Variants in CEP162 observed in about 807,000 individuals in gnomAD.
CEP162 encodes the protein centrosomal protein of 162 kDa.
Under a neutral mutation model 169.2 loss-of-function variants are expected in CEP162, and 141 were observed. The observed-to-expected ratio is 0.83, with a 90% CI of 0.73 to 0.96. The LOEUF (loss-of-function observed/expected upper bound fraction) is 0.96, where lower values mean the gene tolerates loss of function less well. Among genes scored for constraint, CEP162 ranks in the 40% least tolerant of loss-of-function variants. The pLI is 0.00. For missense variants in CEP162, 1,600 were observed against 1,587.2 expected (o/e 1.01, Z -0.14); for synonymous variants, 540 against 526.4 (o/e 1.03, Z -0.35).
Position 84,204,028 on chromosome 6 carries a change from G to T in CEP162, c.640C>A (p.Pro214Thr). 4 of 1,609,850 alleles carry T rather than the reference G, an allele frequency of 2.5e-6. No individual in the cohort carries two copies. The highest frequency in any genetic ancestry group is 3.4e-6 in the Non-Finnish European group (4 of 1,177,910). Reference protein sequence around the residue: ...APLTTKDEEMPSKENSKSEKI... With the variant: ...APLTTKDEEMTSKENSKSEKI... ...TCTGATTTGGAATTCTCTTTGGAAG[G>T]CATCTCTTCATCTTTAGTAGTCAAC... The change falls in exon 7 of 27, where the codon CCT becomes ACT. Residue 214 changes from proline to threonine, a missense_variant. Coordinates refer to ENST00000403245, the MANE Select transcript of CEP162 (RefSeq NM_014895.4).
At chr6:84,151,908 G>A (rs1047223066) in intron 23 of CEP162, among the ~76,000 whole-genome samples, 2 of 152,086 alleles carry the variant, frequency 1.3e-5, no homozygotes, top group Admixed American at 1.3e-4. Context: ...TATTTAAGAG[G>A]AAGTGAGATA....
At chr6:84,158,489 C>A (rs1370638085) in intron 21 of CEP162, among the ~76,000 whole-genome samples, 1 of 152,108 alleles carries the variant, frequency 6.6e-6, no homozygotes, top group Non-Finnish European at 1.5e-5. Flanking sequence ...AAATCCTGTT[C>A]ATATTAGGTA....
rs1422934859 is a variant in CEP162 at position 84,215,455 on chromosome 6, AACT to A, written c.327_329del (p.Val110del). ...CGAGACTACTATGGTTGAGCTCAGAAACTACTAGTTCTAAATGGAAAGCACAAA... is the reference window on the plus strand; with the variant it reads ...CGAGACTACTATGGTTGAGCTCAGAAACTAGTTCTAAATGGAAAGCACAAA... On this transcript the variant is annotated inframe_deletion, in exon 5 of 27. Coordinates refer to ENST00000403245, the MANE Select transcript of CEP162 (RefSeq NM_014895.4). 6.3e-7 allele frequency: 1 copy of A among 1,584,802 alleles called. No homozygotes were observed. Among genetic ancestry groups the A allele is most frequent in the Admixed American group, 1.8e-5 (1 of 54,704 alleles).
chr6:84,136,349 C>G (rs1303136948), intron 25 of CEP162, among the ~76,000 whole-genome samples: 1 of 152,106 alleles, frequency 6.6e-6, no homozygotes, highest in African/African-American at 2.4e-5. Context: ...CTGGGAAGGG[C>G]CTTTTGCTGC....
chr6:84,151,996 A>C (rs1273967685), intron 23 of CEP162, among the ~76,000 whole-genome samples: 1 of 152,182 alleles, frequency 6.6e-6, no homozygotes, highest in Non-Finnish European at 1.5e-5. Flanking sequence ...AGGTGAAAAA[A>C]AGATCTGAGG....
chr6:84,151,908 G>C (rs1047223066), intron 23 of CEP162, among the ~76,000 whole-genome samples: 1 of 152,086 alleles, frequency 6.6e-6, no homozygotes, highest in East Asian at 1.9e-4. Context: ...TATTTAAGAG[G>C]AAGTGAGATA....
rs575836189 is a variant in CEP162 at position 84,156,880 on chromosome 6, A to G, written c.2782-1370T>C. ...AATAACTCAGAAAGTAAAACTCCACATGTTCTCACTTGAAAGTGGGAGCTA... is the reference window on the plus strand; with the variant it reads ...AATAACTCAGAAAGTAAAACTCCACGTGTTCTCACTTGAAAGTGGGAGCTA... On this transcript the variant is annotated intron_variant, in intron 21 of 26. Transcript: ENST00000403245. Among the ~76,000 whole-genome samples the G allele has an allele frequency of 1.1e-4, 16 of 152,256 alleles. 1 individual carries two copies. The South Asian group carries it at 3.3e-3, about 32-fold the overall frequency.
intron 6 of CEP162, among the ~76,000 whole-genome samples, chr6:84,208,019 A>ATTTTTT (rs375738078): frequency 1.6e-4 from 21 of 132,896 alleles, no homozygotes; most frequent in African/African-American, 5.0e-4. Flanking sequence ...AGGTTGATTG[A>ATTTTTT]TTTTTTTTTT....
intron 25 of CEP162, among the ~76,000 whole-genome samples, chr6:84,137,432 G>T (rs566779157): frequency 3.9e-5 from 6 of 152,072 alleles, no homozygotes; most frequent in Non-Finnish European, 8.8e-5. Flanking sequence ...ACAAATTACA[G>T]TAAGAATTTT....
intron 23 of CEP162, among the ~76,000 whole-genome samples, chr6:84,150,438 C>T (rs896989017): frequency 1.3e-5 from 2 of 152,034 alleles, no homozygotes; most frequent in African/African-American, 4.8e-5. Flanking sequence ...TAATATGGTG[C>T]TTCCCAACTA....
chr6:84,133,180 T>C (rs1196276473), intron 25 of CEP162, among the ~76,000 whole-genome samples: 2 of 152,182 alleles, frequency 1.3e-5, no homozygotes, highest in African/African-American at 4.8e-5. Context: ...ACAGCAAATA[T>C]TGCAGAACAG....
At position 84,215,312 on chromosome 6, in the gene CEP162, T is replaced by C; in HGVS notation, c.473A>G (p.Asn158Ser). 7 of 1,593,404 alleles carry C rather than the reference T, an allele frequency of 4.4e-6. No individual in the cohort carries two copies. Among genetic ancestry groups the C allele is most frequent in the Non-Finnish European group, 6.0e-6 (7 of 1,166,698 alleles). Reference protein sequence around the residue: ...YSRLNKELDSNDSTHFKALHS... With the variant: ...YSRLNKELDSSDSTHFKALHS... ...TAAAGCTTTAAAATGTGTAGAGTCA[T>C]TAGAATCCAATTCCTTATTTAATCT... The change falls in exon 5 of 27, where the codon AAT (asparagine) becomes AGT (serine). Residue 158 changes from asparagine (N) to serine (S), a missense_variant. Coordinates refer to ENST00000403245, the MANE Select transcript of CEP162 (RefSeq NM_014895.4).
At chr6:84,173,368 A>G (rs2129220258) in intron 16 of CEP162, among the ~76,000 whole-genome samples, 1 of 152,358 alleles carries the variant, frequency 6.6e-6, no homozygotes, top group African/African-American at 2.4e-5. Context: ...AGTAAGTAAA[A>G]CTTACGATGA....
At chr6:84,180,753 A>T (rs2099534458) in intron 13 of CEP162, among the ~76,000 whole-genome samples, 1 of 152,168 alleles carries the variant, frequency 6.6e-6, no homozygotes, top group Middle Eastern at 3.2e-3. Context: ...CAATTGCTTC[A>T]AAGAGAATAA....
chr6:84,188,991 A>G (rs1286726300), intron 11 of CEP162, among the ~76,000 whole-genome samples: 2 of 151,638 alleles, frequency 1.3e-5, no homozygotes, highest in Non-Finnish European at 2.9e-5. Flanking sequence ...AGTGATGTTG[A>G]GCATTTTTTC....
intron 11 of CEP162, among the ~76,000 whole-genome samples, chr6:84,189,260 C>T (rs1362233926): frequency 6.6e-6 from 1 of 152,156 alleles, no homozygotes; most frequent in African/African-American, 2.4e-5. Context: ...TGGGCTCCCA[C>T]TTTGGTGGTA....
At position 84,160,816 on chromosome 6, in the gene CEP162, C is replaced by T. The variant is rs143441616; in HGVS notation, c.2777G>A (p.Arg926Gln). ...ADAKKIQDLE[R>Q]QVKEMEGILK... Reference sequence around the variant, plus strand: ...AAATTTACCCTGAACACATACTTGTCGCTCCAGATCCTGAATTTTTTTGGC... The same window carrying T: ...AAATTTACCCTGAACACATACTTGTTGCTCCAGATCCTGAATTTTTTTGGC... Residue 926 changes from arginine to glutamine, a missense_variant, in exon 21 of 27, where the codon CGA (arginine) becomes CAA (glutamine). Physicochemically the swap from Arg to Gln is conservative, Grantham distance 43. Coordinates refer to ENST00000403245, the MANE Select transcript of CEP162 (RefSeq NM_014895.4). 7 of 1,592,072 alleles carry T rather than the reference C, an allele frequency of 4.4e-6. No homozygotes were observed. Among genetic ancestry groups the T allele is most frequent in the East Asian group, 2.2e-5 (1 of 44,746 alleles).
At chr6:84,215,576 T>C in intron 4 of CEP162, 111 bp from the exon 5 acceptor site, 1 of 1,159,274 alleles carries the variant, frequency 8.6e-7, no homozygotes, top group African/African-American at 1.6e-5. Context: ...TTTACAAATA[T>C]TTACTCTCAC....
At chr6:84,158,800 T>C (rs1005916397) in intron 21 of CEP162, among the ~76,000 whole-genome samples, 7 of 152,048 alleles carry the variant, frequency 4.6e-5, no homozygotes, top group African/African-American at 7.2e-5. Flanking sequence ...CAATCTGATT[T>C]TGATATCTTG....
Sources: allele counts gnomAD v4.1 joint callset (sites outside exome capture counted in the v4.1 genomes callset), GRCh38; gene constraint gnomAD v4.1.1; transcripts MANE v1.5; gene names NCBI Gene and HGNC (gene_info 2026-07-23, HGNC 2026-07-21).